HOMER2: variants seen among roughly 807,000 people sequenced by gnomAD.
HOMER2 encodes the protein homer scaffold protein 2.
In HOMER2, 27 loss-of-function variants were observed where a neutral mutation model predicts 47.0. That is an observed-to-expected ratio of 0.57 (90% CI 0.42 to 0.79). The LOEUF (loss-of-function observed/expected upper bound fraction) is 0.79, where lower values mean the gene tolerates loss of function less well. HOMER2 is among the 30% of genes least tolerant of loss of function. The probability of loss-of-function intolerance (pLI) is 0.00; values close to 1 mark genes in which losing one functional copy is unlikely to be tolerated. For missense variants in HOMER2, 443 were observed against 435.0 expected (o/e 1.02, Z -0.16); for synonymous variants, 161 against 163.8 (o/e 0.98, Z 0.13).
rs546890269 is a variant in HOMER2, at chr15:82,947,246, C to A, written c.5+5285G>T. 2.0e-5 allele frequency among the ~76,000 whole-genome samples: 3 copies of A among 152,290 alleles called. No individual in the cohort carries two copies. In the East Asian group the frequency reaches 5.8e-4, roughly 29 times the overall value. On this transcript the variant is annotated intron_variant, in intron 1 of 8. Transcript: ENST00000450735. The stretch of plus-strand genomic sequence containing the variant: ...TCAACTCAAACCCCAAAGAACAGCC[C>A]TATAATTTGTTGGAACTACAGAGTC...
intron 2 of HOMER2, among the ~76,000 whole-genome samples, chr15:82,882,149 G>T (rs1159708725): frequency 6.6e-6 from 1 of 152,256 alleles, no homozygotes; most frequent in African/African-American, 2.4e-5. Context: ...GAGAAGCTGG[G>T]AGTGGGGAGA....
At chr15:82,914,542 A>AC (rs1472936014) in intron 1 of HOMER2, among the ~76,000 whole-genome samples, 2 of 152,184 alleles carry the variant, frequency 1.3e-5, no homozygotes, top group Admixed American at 6.5e-5. Context: ...AACAGTGATT[A>AC]CCAGTGGCTG....
chr15:82,952,103 T>C, intron 1 of HOMER2: 2 of 948,042 alleles, frequency 2.1e-6, no homozygotes, highest in South Asian at 9.7e-5. Context: ...TATTTGATTA[T>C]TTCCAGGAAA....
intron 1 of HOMER2, among the ~76,000 whole-genome samples, chr15:82,964,284 A>G (rs2054655100): frequency 2.0e-5 from 3 of 152,206 alleles, no homozygotes; most frequent in East Asian, 3.9e-4. Context: ...CCCTGCCTAC[A>G]TATGGCACAA....
chr15:82,961,114 G>A (rs1233986483), intron 1 of HOMER2, among the ~76,000 whole-genome samples: 3 of 152,150 alleles, frequency 2.0e-5, no homozygotes, highest in East Asian at 1.9e-4. Context: ...TGCTTGCCCC[G>A]CAGGGTCTCC....
chr15:82,948,912 C>A (rs2054440166), intron 1 of HOMER2, among the ~76,000 whole-genome samples: 1 of 152,188 alleles, frequency 6.6e-6, no homozygotes, highest in Admixed American at 6.5e-5. Context: ...AAATGGACTG[C>A]AGACAACCCA....
chr15:82,864,104 C>T (rs1158167831), intron 4 of HOMER2, 63 bp downstream of exon 4: 6 of 1,033,380 alleles, frequency 5.8e-6, no homozygotes, highest in Non-Finnish European at 8.6e-6. Context: ...CCAGAAGTGA[C>T]AAGGAACAAA....
intron 1 of HOMER2, among the ~76,000 whole-genome samples, chr15:82,911,837 C>T (rs1166085846): frequency 1.3e-5 from 2 of 152,250 alleles, no homozygotes; most frequent in Admixed American, 1.3e-4. Context: ...CGAGACCAGA[C>T]TGGTCAACAT....
At chr15:82,859,309 T>TA in intron 4 of HOMER2, 174 bp from the exon 5 acceptor site, 1 of 862,052 alleles carries the variant, frequency 1.2e-6, no homozygotes, top group East Asian at 2.5e-5. Flanking sequence ...TTTTTGTTTT[T>TA]TTTTTAAACA....
chr15:82,853,221 C>A lies in HOMER2; in HGVS notation c.652-969G>T, dbSNP rs140384309. ...TGTCGACTCAGGGAGGTCGACACGCCTCCAAGGGAGCGAGTTGTGCGTGAT... is the reference window on the plus strand; with the variant it reads ...TGTCGACTCAGGGAGGTCGACACGCATCCAAGGGAGCGAGTTGTGCGTGAT... On this transcript the variant is annotated intron_variant, in intron 6 of 8. Coordinates refer to ENST00000450735, the MANE Select transcript of HOMER2 (RefSeq NM_004839.4). 1.2e-3 allele frequency among the ~76,000 whole-genome samples: 176 copies of A among 152,376 alleles called. 1 individual carries two copies. In the Middle Eastern group the frequency reaches 0.017, roughly 15 times the overall value.
At chr15:82,943,801 G>A (rs1484457530) in intron 1 of HOMER2, among the ~76,000 whole-genome samples, 1 of 152,230 alleles carries the variant, frequency 6.6e-6, no homozygotes, top group Non-Finnish European at 1.5e-5. Flanking sequence ...TCCCCAGGCA[G>A]GGCAAAGAAA....
chr15:82,983,578 G>A (rs2030469729), intron 1 of HOMER2, among the ~76,000 whole-genome samples: 1 of 151,702 alleles, frequency 6.6e-6, no homozygotes, highest in African/African-American at 2.4e-5. Flanking sequence ...AGCCTTTCCT[G>A]ATTTCTTTCT....
intron 3 of HOMER2, among the ~76,000 whole-genome samples, chr15:82,869,448 A>ATTTTTT (rs1567024097): frequency 2.3e-5 from 2 of 86,512 alleles, no homozygotes; most frequent in African/African-American, 1.1e-4. Flanking sequence ...TCTACTAAAC[A>ATTTTTT]TCTTTTTTTT....
Position 82,849,691 on chromosome 15 carries a change from G to A in HOMER2, c.*24C>T. The A allele has an allele frequency of 6.2e-7, 1 of 1,602,966 alleles. No homozygotes were observed. The highest frequency in any genetic ancestry group is 8.5e-7 in the Non-Finnish European group (1 of 1,174,432). On this transcript the variant is annotated 3_prime_UTR_variant, in exon 9 of 9. Transcript: ENST00000450735. ...TCGCACACACGCTTGGGACTCACGG[G>A]CGGGGCCTGGGCCTCGGCCAGCCCT...
chr15:82,911,091 T>C (rs1348094498), intron 1 of HOMER2, among the ~76,000 whole-genome samples: 1 of 152,202 alleles, frequency 6.6e-6, no homozygotes, highest in Non-Finnish European at 1.5e-5. Context: ...TGATTATAGG[T>C]GTAAGACGCC....
chr15:82,867,070 T>G (rs1234528633), intron 3 of HOMER2, among the ~76,000 whole-genome samples: 1 of 152,160 alleles, frequency 6.6e-6, no homozygotes, highest in Admixed American at 6.5e-5. Context: ...AGGAAGATTA[T>G]TCAACATATA....
intron 1 of HOMER2, among the ~76,000 whole-genome samples, chr15:82,893,626 T>C (rs1267235066): frequency 1.1e-4 from 9 of 85,620 alleles, no homozygotes; most frequent in African/African-American, 8.7e-4. Context: ...CCACTGCGCC[T>C]TTTTTTTTTT....
exon 2 of HOMER2, chr15:82,842,987 C>G (rs1466002698): frequency 1.3e-5 from 2 of 152,110 alleles, no homozygotes; most frequent in Non-Finnish European, 2.9e-5. Context: ...CCTCAAATGC[C>G]TGGACTCAAG....
intron 1 of HOMER2, among the ~76,000 whole-genome samples, chr15:82,897,168 G>T (rs1174216508): frequency 6.9e-6 from 1 of 144,880 alleles, no homozygotes; most frequent in Admixed American, 7.3e-5. Context: ...CTGGGTTTAA[G>T]CAATTCTCTG....
Sources: allele counts gnomAD v4.1 joint callset (sites outside exome capture counted in the v4.1 genomes callset), GRCh38; gene constraint gnomAD v4.1.1; transcripts MANE v1.5; gene names NCBI Gene and HGNC (gene_info 2026-07-23, HGNC 2026-07-21).